FBXO11: variants seen among roughly 807,000 people sequenced by gnomAD.
The protein encoded by FBXO11 is F-box protein 11.
In FBXO11, 13 loss-of-function variants were observed where a neutral mutation model predicts 117.0. That is an observed-to-expected ratio of 0.11 (90% CI 0.07 to 0.18). FBXO11 has a LOEUF of 0.18. FBXO11 is among the 10% of genes least tolerant of loss of function. The probability of loss-of-function intolerance (pLI) is 1.00; values close to 1 mark genes in which losing one functional copy is unlikely to be tolerated. For missense variants in FBXO11, 767 were observed against 1,164.4 expected, an observed-to-expected ratio of 0.66 and a Z score of 4.97; for synonymous variants, 490 against 380.5, an observed-to-expected ratio of 1.29 and a Z score of -3.35.
chr2:47,866,063 G>A (rs1378203218), intron 1 of FBXO11, among the ~76,000 whole-genome samples: 1 of 151,798 alleles, frequency 6.6e-6, no homozygotes, highest in Non-Finnish European at 1.5e-5. Flanking sequence ...ACCAATCTGG[G>A]CAACATAGCA....
At chr2:47,840,100 C>T (rs910764701) in intron 1 of FBXO11, among the ~76,000 whole-genome samples, 4 of 152,158 alleles carry the variant, frequency 2.6e-5, no homozygotes, top group South Asian at 2.1e-4. Context: ...CCCGCCACCA[C>T]GCCCAGCTAA....
At chr2:47,872,782 C>T (rs1277062359) in intron 1 of FBXO11, among the ~76,000 whole-genome samples, 1 of 152,110 alleles carries the variant, frequency 6.6e-6, no homozygotes, top group Non-Finnish European at 1.5e-5. Context: ...TCCTGTTAAG[C>T]TGGCCATTAG....
chr2:47,861,036 G>A (rs1674731395), intron 1 of FBXO11, among the ~76,000 whole-genome samples: 1 of 151,672 alleles, frequency 6.6e-6, no homozygotes, highest in Non-Finnish European at 1.5e-5. Flanking sequence ...TTTTAGTAGA[G>A]ATGGGGTTTC....
chr2:47,886,431 G>A (rs1387518348), intron 1 of FBXO11, among the ~76,000 whole-genome samples: 3 of 151,554 alleles, frequency 2.0e-5, no homozygotes, highest in African/African-American at 4.9e-5. Context: ...GCTTGAACCC[G>A]GGAGGTGGAG....
intron 11 of FBXO11, among the ~76,000 whole-genome samples, chr2:47,831,521 T>C (rs761994623): frequency 5.9e-5 from 9 of 151,308 alleles, no homozygotes; most frequent in Non-Finnish European, 8.8e-5. Context: ...TATTGTATAA[T>C]AGGCAACAAA....
At chr2:47,857,094 AC>A (rs1674356013) in intron 1 of FBXO11, among the ~76,000 whole-genome samples, 1 of 152,222 alleles carries the variant, frequency 6.6e-6, no homozygotes, top group Non-Finnish European at 1.5e-5. Flanking sequence ...GTCAAAGTTC[AC>A]CACTCAGGAT....
intron 7 of FBXO11, among the ~76,000 whole-genome samples, chr2:47,833,367 C>T (rs561655129): frequency 2.0e-5 from 3 of 152,254 alleles, no homozygotes; most frequent in South Asian, 4.1e-4. Context: ...CTGTTTCCAG[C>T]AGCAGCACTG....
chr2:47,883,069 C>T (rs1415505091), intron 1 of FBXO11, among the ~76,000 whole-genome samples: 1 of 152,158 alleles, frequency 6.6e-6, no homozygotes, highest in Non-Finnish European at 1.5e-5. Flanking sequence ...TCTTGTAGAA[C>T]TATTTACAAG....
At chr2:47,811,523 GCTAATTCTTTAAT>G (rs1314160694) in intron 18 of FBXO11, 1 of 152,182 alleles carries the variant, frequency 6.6e-6, no homozygotes, top group East Asian at 1.9e-4. Flanking sequence ...GGCCACTGTT[GCTAATTCTTTAAT>G]CTATTCCTTT....
At chr2:47,808,555 C>A in intron 21 of FBXO11, 128 bp from the exon 22 acceptor site, 1 of 685,584 alleles carries the variant, frequency 1.5e-6, no homozygotes, top group Non-Finnish European at 2.3e-6. Context: ...TGGCTCCAGC[C>A]CAGATTAATT....
intron 1 of FBXO11, among the ~76,000 whole-genome samples, chr2:47,891,656 C>T (rs1677267551): frequency 6.6e-6 from 1 of 152,180 alleles, no homozygotes; most frequent in Non-Finnish European, 1.5e-5. Context: ...ATTGCTGGAT[C>T]ATATGATAGT....
intron 4 of FBXO11, 54 bp from the exon 5 acceptor site, chr2:47,836,055 A>G: frequency 7.7e-7 from 1 of 1,295,860 alleles, no homozygotes; most frequent in Non-Finnish European, 1.1e-6. Context: ...TTAGATTAAT[A>G]CAGTTTTGAA....
At chr2:47,846,981 A>G (rs531336280) in intron 1 of FBXO11, among the ~76,000 whole-genome samples, 1 of 152,264 alleles carries the variant, frequency 6.6e-6, no homozygotes, top group East Asian at 1.9e-4. Flanking sequence ...GTGGTGGCTC[A>G]CATCTGTAAT....
chr2:47,815,561 C>T (rs1027030782), intron 16 of FBXO11, among the ~76,000 whole-genome samples: 11 of 152,148 alleles, frequency 7.2e-5, no homozygotes, highest in African/African-American at 1.4e-4. Context: ...TGCCATACTT[C>T]GGGGTTTAAT....
chr2:47,824,165 T>C (rs1387494189), intron 11 of FBXO11, among the ~76,000 whole-genome samples: 1 of 152,136 alleles, frequency 6.6e-6, no homozygotes, highest in Non-Finnish European at 1.5e-5. Flanking sequence ...TTAAAGTCAT[T>C]AAGAATATAA....
At chr2:47,872,565 C>G (rs980287030) in intron 1 of FBXO11, among the ~76,000 whole-genome samples, 12 of 152,184 alleles carry the variant, frequency 7.9e-5, no homozygotes, top group African/African-American at 2.9e-4. Context: ...CTCAGGTGAT[C>G]CGCGTGCCTC....
In FBXO11 at chr2:47,809,608, G is replaced by C; in HGVS notation, c.2438C>G (p.Thr813Arg). The change falls in exon 20 of 23, where the codon ACA (threonine) becomes AGA (arginine). Residue 813 changes from threonine to arginine, a missense_variant. By Grantham distance (71) the Thr-to-Arg change is moderately conservative. Coordinates refer to ENST00000403359, the MANE Select transcript of FBXO11 (RefSeq NM_001190274.2). The part of the protein sequence containing the change: ...GLFLASGVNV[T>R]MKDNKIMNNQ... Reference sequence around the variant, plus strand: ...AGCAGACTCCAACATACCTTTCATTGTCACATTAACACCAGATGCTAAAAA... The same window carrying C: ...AGCAGACTCCAACATACCTTTCATTCTCACATTAACACCAGATGCTAAAAA... 2 of 1,610,278 alleles carry C rather than the reference G, an allele frequency of 1.2e-6. No individual in the cohort carries two copies. Among genetic ancestry groups the C allele is most frequent in the Non-Finnish European group, 1.7e-6 (2 of 1,177,124 alleles).
rs1017296354 is a variant in FBXO11 at position 47,807,844 on chromosome 2, T to C, written c.*274A>G. 1.3e-5 allele frequency: 4 copies of C among 310,980 alleles called. No homozygotes were observed. In the Admixed American group the frequency reaches 1.4e-4, roughly 11 times the overall value. 19.3% of individuals were successfully genotyped at this position (310,980 alleles called of 1,614,324 possible). A position where few individuals can be genotyped will look rare whatever the true frequency, so the allele number is the denominator to read the frequency against. ...TGTAAAAACACCAGCTTTTCAGAAG[T>C]TGGTATCTGTACAAAATTGCAGCTT... On this transcript the variant is annotated 3_prime_UTR_variant, in exon 23 of 23. Coordinates refer to ENST00000403359, the MANE Select transcript of FBXO11 (RefSeq NM_001190274.2).
At chr2:47,866,736 T>C (rs1186298923) in intron 1 of FBXO11, among the ~76,000 whole-genome samples, 1 of 152,118 alleles carries the variant, frequency 6.6e-6, no homozygotes, top group Non-Finnish European at 1.5e-5. Context: ...CCTCCCAAAG[T>C]GCTGGGATTA....
Sources: gnomAD v4.1 joint callset for allele counts (sites outside exome capture counted in the v4.1 genomes callset) on GRCh38, gnomAD v4.1.1 for gene constraint, MANE v1.5 for transcripts, NCBI Gene and HGNC (gene_info 2026-07-23, HGNC 2026-07-21) for gene names.